The following LINGO2 variants were observed in gnomAD, a reference collection of about 807,000 sequenced individuals.
LINGO2 encodes leucine-rich repeat and immunoglobulin-like domain-containing nogo receptor-interacting protein 2.
In LINGO2, 14 loss-of-function variants were observed where a neutral mutation model predicts 30.6. The observed-to-expected ratio is 0.46, with a 90% CI of 0.30 to 0.72. The LOEUF (loss-of-function observed/expected upper bound fraction) is 0.72. Ranked by LOEUF, LINGO2 falls within the 30% of genes least tolerant of loss-of-function variation. The probability of loss-of-function intolerance (pLI) is 0.07; values close to 1 mark genes in which losing one functional copy is unlikely to be tolerated. For synonymous variants in LINGO2, 317 were observed against 288.5 expected (o/e 1.10, Z -1.00); for missense variants, 729 against 751.7 (o/e 0.97, Z 0.35).
At chr9:29,019,272 T>G in the LINGO2 span, among the ~76,000 whole-genome samples, 1 of 152,166 alleles carries the variant, frequency 6.6e-6, no homozygotes, top group African/African-American at 2.4e-5. Context: ...AATTTTATTT[T>G]TTGGTGTATG....
chr9:28,946,074 T>C, the LINGO2 span, among the ~76,000 whole-genome samples: 1 of 152,180 alleles, frequency 6.6e-6, no homozygotes, highest in Non-Finnish European at 1.5e-5. Flanking sequence ...ATATAGCTAA[T>C]ATGAAAGATC....
chr9:28,756,115 TA>T, the LINGO2 span, among the ~76,000 whole-genome samples: 1 of 152,058 alleles, frequency 6.6e-6, no homozygotes, highest in African/African-American at 2.4e-5. Context: ...AATTAGAATA[TA>T]AAAAACTACT....
intron 3 of LINGO2, among the ~76,000 whole-genome samples, chr9:28,305,897 T>G (rs1253120319): frequency 6.6e-6 from 1 of 152,086 alleles, no homozygotes; most frequent in Non-Finnish European, 1.5e-5. Flanking sequence ...AGAGATACAC[T>G]TGACTCTGAG....
At chr9:29,057,914 T>A in the LINGO2 span, among the ~76,000 whole-genome samples, 1 of 152,148 alleles carries the variant, frequency 6.6e-6, no homozygotes, top group Admixed American at 6.6e-5. Context: ...ATATCTGTCC[T>A]AATAGAGTTC....
chr9:28,773,948 A>G, the LINGO2 span, among the ~76,000 whole-genome samples: 1 of 152,002 alleles, frequency 6.6e-6, no homozygotes. Context: ...TAACTGAGGA[A>G]TTGGTATTTT....
intron 4 of LINGO2, among the ~76,000 whole-genome samples, chr9:28,062,586 T>C (rs1284671985): frequency 7.0e-6 from 1 of 143,526 alleles, no homozygotes; most frequent in East Asian, 2.1e-4. Flanking sequence ...CAATCAAATA[T>C]ATATATTTTG....
chr9:28,773,916 C>T, the LINGO2 span, among the ~76,000 whole-genome samples: 1 of 151,968 alleles, frequency 6.6e-6, no homozygotes, highest in Admixed American at 6.6e-5. Flanking sequence ...ATTCAGTTTA[C>T]CTTGAAATTT....
chr9:29,146,041 T>C, the LINGO2 span, among the ~76,000 whole-genome samples: 1 of 152,140 alleles, frequency 6.6e-6, no homozygotes, highest in Non-Finnish European at 1.5e-5. Context: ...AATATAAAAC[T>C]AGTGCATGTA....
intron 4 of LINGO2, among the ~76,000 whole-genome samples, chr9:28,142,960 G>A (rs1827715653): frequency 6.6e-6 from 1 of 152,132 alleles, no homozygotes; most frequent in Non-Finnish European, 1.5e-5. Flanking sequence ...GGTCTATGGG[G>A]AGTTTTGTTA....
chr9:28,902,389 T>C, the LINGO2 span, among the ~76,000 whole-genome samples: 1 of 152,058 alleles, frequency 6.6e-6, no homozygotes, highest in Non-Finnish European at 1.5e-5. Flanking sequence ...AAAACCTAAA[T>C]ATATAAAGCA....
the LINGO2 span, among the ~76,000 whole-genome samples, chr9:29,078,159 A>G: frequency 4.4e-3 from 663 of 152,094 alleles, 3 homozygotes; most frequent in Non-Finnish European, 7.4e-3. Context: ...AGAAAATGTA[A>G]AAACTAGAAA....
intron 4 of LINGO2, among the ~76,000 whole-genome samples, chr9:28,045,987 G>A (rs954083767): frequency 1.3e-5 from 2 of 152,010 alleles, no homozygotes; most frequent in African/African-American, 4.8e-5. Flanking sequence ...GTGTCCCTTT[G>A]GCAAAAAGTT....
chr9:28,851,252 A>G, the LINGO2 span, among the ~76,000 whole-genome samples: 2 of 152,060 alleles, frequency 1.3e-5, no homozygotes, highest in African/African-American at 2.4e-5. Context: ...GAAGCTCTAG[A>G]AAGAAGATGA....
At chr9:29,139,394 T>C in the LINGO2 span, among the ~76,000 whole-genome samples, 1 of 152,192 alleles carries the variant, frequency 6.6e-6, no homozygotes, top group African/African-American at 2.4e-5. Context: ...TAATTTGTAA[T>C]GTAGCAATAA....
chr9:28,874,462 T>A, the LINGO2 span, among the ~76,000 whole-genome samples: 1 of 152,090 alleles, frequency 6.6e-6, no homozygotes, highest in Non-Finnish European at 1.5e-5. Context: ...GTATTACATG[T>A]ATTATTTTTT....
intron 1 of LINGO2, among the ~76,000 whole-genome samples, chr9:28,657,846 T>C (rs906327871): frequency 6.6e-6 from 1 of 151,806 alleles, no homozygotes; most frequent in Non-Finnish European, 1.5e-5. Context: ...ATTTAGATGG[T>C]TGATTTGAGA....
intron 1 of LINGO2, among the ~76,000 whole-genome samples, chr9:28,483,799 A>G (rs913471454): frequency 6.6e-5 from 10 of 152,206 alleles, no homozygotes; most frequent in Non-Finnish European, 1.5e-4. Flanking sequence ...GTAGTTCATT[A>G]AATTATACTT....
chr9:28,170,846 C>G, intron 4 of LINGO2, among the ~76,000 whole-genome samples: 1 of 152,134 alleles, frequency 6.6e-6, no homozygotes, highest in East Asian at 1.9e-4. Flanking sequence ...GGGAGCAAAC[C>G]CAGAAAATCC....
At chr9:29,087,173 G>A in the LINGO2 span, among the ~76,000 whole-genome samples, 34 of 152,178 alleles carry the variant, frequency 2.2e-4, no homozygotes, top group African/African-American at 6.5e-4. Flanking sequence ...CACTGCACCC[G>A]GCCCAAGAAG....
Sources: gnomAD v4.1 joint callset for allele counts (sites outside exome capture counted in the v4.1 genomes callset) on GRCh38, gnomAD v4.1.1 for gene constraint, MANE v1.5 for transcripts, NCBI Gene and HGNC (gene_info 2026-07-23, HGNC 2026-07-21) for gene names.